The following FMN1 variants were observed in gnomAD, a reference collection of about 807,000 sequenced individuals.
FMN1 encodes the protein formin-1.
In FMN1, 110 loss-of-function variants were observed where a neutral mutation model predicts 132.4. The observed-to-expected ratio is 0.83, with a 90% confidence interval of 0.71 to 0.97. FMN1 has a LOEUF of 0.97. Ranked by LOEUF, FMN1 falls within the 50% of genes least tolerant of loss-of-function variation. The pLI, the probability that FMN1 is intolerant of heterozygous loss-of-function variation, is 0.00. For synonymous variants in FMN1, 722 were observed against 651.7 expected, an observed-to-expected ratio of 1.11 and a Z score of -1.64; for missense variants, 1,792 against 1,705.3, an observed-to-expected ratio of 1.05 and a Z score of -0.90.
chr15:32,985,782 T>TTACAA (rs1371796089), intron 7 of FMN1, among the ~76,000 whole-genome samples: 1 of 152,082 alleles, frequency 6.6e-6, no homozygotes, highest in Non-Finnish European at 1.5e-5. Flanking sequence ...CTGACTTATC[T>TTACAA]TACAATATGG....
At chr15:32,776,797 A>C in intron 20 of FMN1, 38 bp downstream of exon 20, 1 of 1,327,154 alleles carries the variant, frequency 7.5e-7, no homozygotes. Context: ...CTCAATTTTC[A>C]TGACAATCGT....
chr15:33,038,550 T>C (rs868591197), intron 6 of FMN1, among the ~76,000 whole-genome samples: 1 of 152,256 alleles, frequency 6.6e-6, no homozygotes, highest in African/African-American at 2.4e-5. Flanking sequence ...AAAAGAATTT[T>C]AATTTTAGGT....
chr15:32,815,006 G>C lies in FMN1; in HGVS notation c.3929-10674C>G, dbSNP rs927123153. Among the ~76,000 whole-genome samples the C allele has an allele frequency of 2.6e-5, 4 of 152,018 alleles. No homozygotes were observed. The East Asian group carries it at 7.7e-4, about 29-fold the overall frequency. ...CGCCCAGACTGGAGTGCAGTGGTGC[G>C]ATCTCGGCTCACTGCAAGCTCCGCC... On this transcript the variant is annotated intron_variant, in intron 17 of 20. Coordinates refer to ENST00000616417, the MANE Select transcript of FMN1 (RefSeq NM_001277313.2).
chr15:32,796,680 A>C (rs559819997), intron 19 of FMN1, among the ~76,000 whole-genome samples: 2 of 152,348 alleles, frequency 1.3e-5, no homozygotes, highest in East Asian at 1.9e-4. Flanking sequence ...ACAGGAAAGA[A>C]GCTAAAATCT....
At chr15:33,031,300 C>T (rs765365205) in intron 6 of FMN1, among the ~76,000 whole-genome samples, 10 of 152,144 alleles carry the variant, frequency 6.6e-5, no homozygotes, top group Non-Finnish European at 1.2e-4. Flanking sequence ...AAGCTTTCTA[C>T]CATCAGGAGG....
chr15:33,185,216 G>A (rs542818812), intron 2 of FMN1, among the ~76,000 whole-genome samples: 1 of 152,296 alleles, frequency 6.6e-6, no homozygotes, highest in African/African-American at 2.4e-5. Context: ...TAGTCGTAAT[G>A]TTTTGGAGGT....
intron 4 of FMN1, among the ~76,000 whole-genome samples, chr15:33,148,911 A>G (rs1964336350): frequency 6.6e-6 from 1 of 151,088 alleles, no homozygotes; most frequent in Non-Finnish European, 1.5e-5. Flanking sequence ...TTCTTGCCTC[A>G]AAGGACATGG....
intron 15 of FMN1, among the ~76,000 whole-genome samples, chr15:32,889,176 G>A (rs986496916): frequency 2.6e-5 from 4 of 152,158 alleles, no homozygotes; most frequent in African/African-American, 9.7e-5. Flanking sequence ...TTAGGAGACC[G>A]AGGGCAGGGT....
chr15:33,015,843 C>T (rs933580118), intron 6 of FMN1, among the ~76,000 whole-genome samples: 26 of 152,178 alleles, frequency 1.7e-4, no homozygotes, highest in African/African-American at 6.3e-4. Flanking sequence ...TTTTAATGTG[C>T]ATTAGGGAAA....
chr15:32,996,240 AT>A (rs2033762665), intron 7 of FMN1, among the ~76,000 whole-genome samples: 1 of 152,216 alleles, frequency 6.6e-6, no homozygotes, highest in South Asian at 2.1e-4. Flanking sequence ...GGTTTAAATA[AT>A]TTCTTCAAGA....
At chr15:33,128,347 C>T (rs546135342) in intron 4 of FMN1, among the ~76,000 whole-genome samples, 2 of 152,280 alleles carry the variant, frequency 1.3e-5, no homozygotes, top group South Asian at 2.1e-4. Flanking sequence ...GGGCCTGATC[C>T]TTGACGATCT....
intron 5 of FMN1, among the ~76,000 whole-genome samples, chr15:33,079,826 AT>A (rs1454164905): frequency 6.6e-6 from 1 of 152,224 alleles, no homozygotes; most frequent in African/African-American, 2.4e-5. Flanking sequence ...AGTAAATCAG[AT>A]TACTTTTTTT....
intron 7 of FMN1, among the ~76,000 whole-genome samples, chr15:33,000,054 G>A (rs1479160736): frequency 6.6e-6 from 1 of 152,188 alleles, no homozygotes; most frequent in Non-Finnish European, 1.5e-5. Flanking sequence ...CATTCAGAGT[G>A]TAACTGAAAA....
intron 15 of FMN1, among the ~76,000 whole-genome samples, chr15:32,889,798 T>C (rs2059981891): frequency 1.3e-5 from 2 of 152,214 alleles, no homozygotes; most frequent in South Asian, 4.1e-4. Flanking sequence ...CATAAGTTAT[T>C]GGGGTAGAGG....
chr15:33,005,852 AAAAG>A (rs1228226916), intron 7 of FMN1, among the ~76,000 whole-genome samples: 16 of 152,316 alleles, frequency 1.1e-4, no homozygotes, highest in African/African-American at 3.6e-4. Flanking sequence ...AGAACAAAGA[AAAAG>A]AAAGAGAGGT....
intron 5 of FMN1, among the ~76,000 whole-genome samples, chr15:33,072,226 T>C (rs902703314): frequency 1.3e-5 from 2 of 152,182 alleles, no homozygotes; most frequent in African/African-American, 4.8e-5. Context: ...GGTTCACCTA[T>C]ACAATATGTT....
chr15:32,965,985 A>AC (rs2031184664), intron 8 of FMN1, among the ~76,000 whole-genome samples: 1 of 151,944 alleles, frequency 6.6e-6, no homozygotes, highest in South Asian at 2.1e-4. Context: ...GCTGGGGGAG[A>AC]CGGGGGAGAA....
intron 16 of FMN1, among the ~76,000 whole-genome samples, chr15:32,882,158 T>G (rs1218415670): frequency 3.9e-5 from 6 of 152,190 alleles, no homozygotes; most frequent in African/African-American, 1.4e-4. Context: ...TGTAGTCCCT[T>G]TAGAAGATGA....
intron 6 of FMN1, among the ~76,000 whole-genome samples, chr15:33,013,581 A>T (rs910397175): frequency 3.3e-5 from 5 of 152,220 alleles, no homozygotes; most frequent in African/African-American, 1.2e-4. Context: ...ATCTTTATGC[A>T]TATCTAACAT....
Sources: gnomAD v4.1 joint callset for allele counts (sites outside exome capture counted in the v4.1 genomes callset) on GRCh38, gnomAD v4.1.1 for gene constraint, MANE v1.5 for transcripts, NCBI Gene and HGNC (gene_info 2026-07-23, HGNC 2026-07-21) for gene names.